Variants in WIPF2 observed in about 807,000 individuals in gnomAD.
The protein encoded by WIPF2 is WAS/WASL-interacting protein family member 2.
WIPF2 carries 23 observed loss-of-function variants against 38.8 expected under a neutral mutation model. That is an observed-to-expected ratio of 0.59 (90% CI 0.43 to 0.84). WIPF2 has a LOEUF of 0.84. Among genes scored for constraint, WIPF2 ranks in the 40% least tolerant of loss-of-function variants. The probability of loss-of-function intolerance (pLI) is 0.00; values close to 1 mark genes in which losing one functional copy is unlikely to be tolerated. For synonymous variants in WIPF2, 210 were observed against 223.2 expected, an observed-to-expected ratio of 0.94 and a Z score of 0.53; for missense variants, 574 against 580.5, an observed-to-expected ratio of 0.99 and a Z score of 0.11.
chr17:40,228,009 TG>T lies in WIPF2; in HGVS notation c.-70+8518del, dbSNP rs1346184171. 4.5e-3 allele frequency among the ~76,000 whole-genome samples: 611 copies of T among 135,024 alleles called. 46 individuals carry two copies. Among genetic ancestry groups the T allele is most frequent in the African/African-American group, 0.013 (449 of 34,186 alleles). The allele number at this position is 135,024 out of a possible 152,430, so 88.6% of individuals were successfully genotyped here. ...TTTTGCTTGTTTTTATACCTCTTTT[TG>T]TTTTTTTTTTTTTTTTTTTTTTTGA... On this transcript the variant is annotated intron_variant, in intron 1 of 7. Transcript: ENST00000323571.
chr17:40,266,061 T>C (rs1375476705), intron 5 of WIPF2, among the ~76,000 whole-genome samples: 8 of 151,828 alleles, frequency 5.3e-5, no homozygotes, highest in African/African-American at 1.9e-4. Context: ...GAGAGATACA[T>C]TTGAATGGTG....
intron 2 of WIPF2, 35 bp from the exon 3 acceptor site, chr17:40,260,500 C>CTT (rs972854433): frequency 3.7e-6 from 6 of 1,611,222 alleles, no homozygotes; most frequent in Non-Finnish European, 4.2e-6. Context: ...AAAGGGAACT[C>CTT]TTTAGGGTGA....
chr17:40,257,328 C>G (rs1187250240), intron 2 of WIPF2, among the ~76,000 whole-genome samples: 1 of 151,974 alleles, frequency 6.6e-6, no homozygotes, highest in Non-Finnish European at 1.5e-5. Flanking sequence ...CTCTTCTATT[C>G]AAAATCAGTT....
chr17:40,277,504 A>C (rs2032436786), intron 7 of WIPF2, among the ~76,000 whole-genome samples: 1 of 151,868 alleles, frequency 6.6e-6, no homozygotes, highest in Non-Finnish European at 1.5e-5. Flanking sequence ...ACACGGTGAA[A>C]CCCCGTCTCT....
chr17:40,283,054 C>T lies in WIPF2; in HGVS notation c.*4829C>T, dbSNP rs538724969. 6.8e-5 allele frequency: 10 copies of T among 146,146 alleles called. No individual in the cohort carries two copies. The highest frequency in any genetic ancestry group is 4.5e-4 in the South Asian group (2 of 4,464). 9.1% of individuals were successfully genotyped at this position (146,146 alleles called of 1,614,324 possible). A position where few individuals can be genotyped will look rare whatever the true frequency, so the allele number is the denominator to read the frequency against. ...ATACAAAAATTAACCGGTGTCATGG[C>T]GCATGCCTGTAGTCCCAGCTACTCG... is the stretch of plus-strand genomic sequence containing the variant. On this transcript the variant is annotated 3_prime_UTR_variant, in exon 8 of 8. Transcript: ENST00000323571.
At position 40,220,150 on chromosome 17, in the gene WIPF2, T is replaced by G. The variant is rs186560133; in HGVS notation, c.-70+658T>G. Among the ~76,000 whole-genome samples, 47 of 152,096 alleles carry G rather than the reference T, an allele frequency of 3.1e-4. 1 individual carries two copies. Among genetic ancestry groups the G allele is most frequent in the East Asian group, 1.5e-3 (8 of 5,164 alleles). On this transcript the variant is annotated intron_variant, in intron 1 of 7. Transcript: ENST00000323571. ...AGTGAGGGAAGATGGAATTTTTTTT[T>G]TTTTGTTTTAAAGGTGGGGTCTGGC... is the stretch of plus-strand genomic sequence containing the variant.
intron 6 of WIPF2, among the ~76,000 whole-genome samples, chr17:40,274,557 GAAAAAAAAA>G (rs571085371): frequency 4.0e-4 from 10 of 24,776 alleles, no homozygotes; most frequent in African/African-American, 5.9e-4. Flanking sequence ...TGGAATTCTT[GAAAAAAAAA>G]AAAAAAAAAA....
chr17:40,227,628 G>A (rs1325392521), intron 1 of WIPF2, among the ~76,000 whole-genome samples: 2 of 151,822 alleles, frequency 1.3e-5, no homozygotes, highest in African/African-American at 2.4e-5. Context: ...TGAGGCGGGC[G>A]GATCACCTGA....
chr17:40,260,209 G>A (rs2031852028), intron 2 of WIPF2, among the ~76,000 whole-genome samples: 1 of 133,702 alleles, frequency 7.5e-6, no homozygotes, highest in Non-Finnish European at 1.6e-5. Flanking sequence ...TTTTTTGCAG[G>A]CACATTCTCG....
At chr17:40,258,314 G>A (rs903090557) in intron 2 of WIPF2, among the ~76,000 whole-genome samples, 1 of 151,428 alleles carries the variant, frequency 6.6e-6, no homozygotes, top group African/African-American at 2.4e-5. Context: ...CAGGTGAATC[G>A]CTTGAACCCC....
At chr17:40,223,495 C>G (rs895579715) in intron 1 of WIPF2, among the ~76,000 whole-genome samples, 1 of 147,698 alleles carries the variant, frequency 6.8e-6, no homozygotes, top group Non-Finnish European at 1.5e-5. Context: ...ATGGCTTTTA[C>G]GAAGGGAAGA....
chr17:40,233,669 A>G (rs545523747), intron 1 of WIPF2, among the ~76,000 whole-genome samples: 3 of 152,140 alleles, frequency 2.0e-5, no homozygotes, highest in African/African-American at 7.2e-5. Flanking sequence ...GCTGAAGGTG[A>G]TGGCACAAGC....
At chr17:40,224,293 G>A (rs1332708421) in intron 1 of WIPF2, among the ~76,000 whole-genome samples, 3 of 142,794 alleles carry the variant, frequency 2.1e-5, no homozygotes, top group African/African-American at 2.6e-5. Context: ...GTGCAGTGGC[G>A]CAATCTCGGC....
At chr17:40,244,588 G>T (rs2031297800) in intron 1 of WIPF2, among the ~76,000 whole-genome samples, 1 of 152,160 alleles carries the variant, frequency 6.6e-6, no homozygotes. Flanking sequence ...CGAACTTCTG[G>T]TTTGAGTGTG....
chr17:40,265,001 G>A lies in WIPF2; in HGVS notation c.825G>A (p.Glu275=), dbSNP rs774286599. 1.3e-5 allele frequency: 21 copies of A among 1,613,950 alleles called. No individual in the cohort carries two copies. The South Asian group carries it at 2.1e-4, about 16-fold the overall frequency. ...PSSPTNESAP[E]LPQRHNSLHR... Reference sequence around the variant, plus strand: ...GCCCCACTAATGAGTCAGCCCCTGAGCTGCCACAGAGACACAATTCTTTGC... The same window carrying A: ...GCCCCACTAATGAGTCAGCCCCTGAACTGCCACAGAGACACAATTCTTTGC... Residue 275 remains glutamate, a synonymous_variant, in exon 5 of 8, where the codon GAG becomes GAA. Coordinates refer to ENST00000323571, the MANE Select transcript of WIPF2 (RefSeq NM_133264.5).
chr17:40,226,450 C>T (rs1041881287), intron 1 of WIPF2, among the ~76,000 whole-genome samples: 1 of 151,398 alleles, frequency 6.6e-6, no homozygotes, highest in Non-Finnish European at 1.5e-5. Flanking sequence ...CTCCTGACCT[C>T]GCGATCCGCC....
chr17:40,223,437 G>A (rs371467743), intron 1 of WIPF2, among the ~76,000 whole-genome samples: 2 of 152,072 alleles, frequency 1.3e-5, no homozygotes, highest in African/African-American at 4.8e-5. Context: ...ATAGCACCAA[G>A]GTGAAATGCA....
intron 1 of WIPF2, among the ~76,000 whole-genome samples, chr17:40,253,251 A>G (rs2031615830): frequency 6.7e-6 from 1 of 150,140 alleles, no homozygotes; most frequent in Admixed American, 6.7e-5. Context: ...TTTAGTAGAG[A>G]CAGGGTTTCA....
chr17:40,226,313 C>T (rs2030485391), intron 1 of WIPF2, among the ~76,000 whole-genome samples: 1 of 151,720 alleles, frequency 6.6e-6, no homozygotes, highest in Non-Finnish European at 1.5e-5. Flanking sequence ...ATGCGATTAT[C>T]CTGCCTCAGC....
Sources: gnomAD v4.1 joint callset for allele counts (sites outside exome capture counted in the v4.1 genomes callset) on GRCh38, gnomAD v4.1.1 for gene constraint, MANE v1.5 for transcripts, NCBI Gene and HGNC (gene_info 2026-07-23, HGNC 2026-07-21) for gene names.